The following CNTN5 variants were observed in gnomAD, a reference collection of about 807,000 sequenced individuals.
The protein encoded by CNTN5 is contactin 5, also known as contactin-5.
CNTN5 carries 77 observed loss-of-function variants against 129.1 expected under a neutral mutation model. The observed-to-expected ratio is 0.60, with a 90% CI of 0.50 to 0.72. CNTN5 has a LOEUF of 0.72. Ranked by LOEUF, CNTN5 falls within the 30% of genes least tolerant of loss-of-function variation. The pLI is 0.00. For missense variants in CNTN5, 1,478 were observed against 1,328.8 expected, an observed-to-expected ratio of 1.11 and a Z score of -1.75; for synonymous variants, 509 against 465.6, an observed-to-expected ratio of 1.09 and a Z score of -1.20.
chr11:100,247,463 A>C (rs1591434219), intron 16 of CNTN5, among the ~76,000 whole-genome samples: 3 of 152,328 alleles, frequency 2.0e-5, no homozygotes, highest in Middle Eastern at 3.4e-3. Flanking sequence ...CACTTAGATT[A>C]GATTAGTAAA....
At chr11:99,343,018 G>T (rs1376259218) in intron 2 of CNTN5, among the ~76,000 whole-genome samples, 3 of 152,084 alleles carry the variant, frequency 2.0e-5, no homozygotes, top group Non-Finnish European at 4.4e-5. Context: ...AGTGGAAAGG[G>T]AGCATTAGAT....
chr11:99,751,106 G>A (rs2135217769), intron 3 of CNTN5, among the ~76,000 whole-genome samples: 1 of 152,286 alleles, frequency 6.6e-6, no homozygotes, highest in East Asian at 1.9e-4. Context: ...GGAGGCTGAG[G>A]CAGGTCGATT....
chr11:100,005,955 C>G (rs764101995), intron 9 of CNTN5, among the ~76,000 whole-genome samples: 4 of 151,996 alleles, frequency 2.6e-5, no homozygotes, highest in African/African-American at 4.8e-5. Flanking sequence ...CAAATATGTT[C>G]CTAGATATAC....
At chr11:100,178,710 G>C (rs1273356805) in intron 13 of CNTN5, among the ~76,000 whole-genome samples, 2 of 152,210 alleles carry the variant, frequency 1.3e-5, no homozygotes, top group Non-Finnish European at 2.9e-5. Context: ...TGCCAGTGAA[G>C]TGTGAATAGA....
intron 6 of CNTN5, among the ~76,000 whole-genome samples, chr11:99,865,721 T>C (rs1591333155): frequency 6.6e-6 from 1 of 152,094 alleles, no homozygotes; most frequent in African/African-American, 2.4e-5. Flanking sequence ...AAAAGTGTTA[T>C]TGCCTAAGCC....
At chr11:99,749,875 T>C (rs541591802) in intron 3 of CNTN5, among the ~76,000 whole-genome samples, 8 of 152,354 alleles carry the variant, frequency 5.3e-5, no homozygotes, top group African/African-American at 1.9e-4. Flanking sequence ...AACTATGCTT[T>C]GGCCACGGGG....
chr11:99,395,953 G>A (rs1941501420), intron 2 of CNTN5, among the ~76,000 whole-genome samples: 1 of 151,902 alleles, frequency 6.6e-6, no homozygotes, highest in South Asian at 2.1e-4. Flanking sequence ...TAGGCCTGCA[G>A]TATAGTTTGA....
At chr11:100,170,627 G>A (rs1017502448) in intron 13 of CNTN5, among the ~76,000 whole-genome samples, 5 of 151,956 alleles carry the variant, frequency 3.3e-5, no homozygotes, top group African/African-American at 9.7e-5. Context: ...AAAGGGATCA[G>A]TGATTATCTC....
chr11:99,372,019 A>G (rs1939856855), intron 2 of CNTN5, among the ~76,000 whole-genome samples: 1 of 152,224 alleles, frequency 6.6e-6, no homozygotes. Context: ...AAGTGGAGCG[A>G]AAGAGAATCC....
intron 3 of CNTN5, among the ~76,000 whole-genome samples, chr11:99,638,193 G>A (rs1813776079): frequency 6.6e-6 from 1 of 152,100 alleles, no homozygotes; most frequent in Admixed American, 6.6e-5. Flanking sequence ...AAATGAGGAA[G>A]CAAAAGCAGA....
At chr11:100,136,839 A>G (rs2138234785) in intron 13 of CNTN5, among the ~76,000 whole-genome samples, 2 of 151,986 alleles carry the variant, frequency 1.3e-5, no homozygotes, top group East Asian at 1.9e-4. Context: ...GGGAAAAAAA[A>G]GAAAAATAAT....
intron 2 of CNTN5, among the ~76,000 whole-genome samples, chr11:99,408,476 A>AAGAAAGAAAGAAAG (rs1942229124): frequency 1.5e-5 from 2 of 135,466 alleles, no homozygotes; most frequent in Non-Finnish European, 3.3e-5. Context: ...GAAAGAAAGA[A>AAGAAAGAAAGAAAG]AGAAAGAAAG....
At chr11:99,259,509 T>A (rs1862532865) in intron 1 of CNTN5, among the ~76,000 whole-genome samples, 1 of 151,914 alleles carries the variant, frequency 6.6e-6, no homozygotes, top group South Asian at 2.1e-4. Context: ...TAAATTGTTA[T>A]ATGCTAATAT....
intron 2 of CNTN5, among the ~76,000 whole-genome samples, chr11:99,427,765 C>CAAAAA (rs36085825): frequency 6.2e-5 from 2 of 32,358 alleles, no homozygotes; most frequent in Admixed American, 3.7e-4. Context: ...GACTCAGTCT[C>CAAAAA]AAAAAAAAAA....
At chr11:99,426,728 C>T (rs1943138783) in intron 2 of CNTN5, among the ~76,000 whole-genome samples, 1 of 152,042 alleles carries the variant, frequency 6.6e-6, no homozygotes, top group African/African-American at 2.4e-5. Context: ...GTCCTTGGGC[C>T]TGGAGGATTT....
intron 3 of CNTN5, among the ~76,000 whole-genome samples, chr11:99,675,843 C>T (rs1285517434): frequency 6.6e-6 from 1 of 152,056 alleles, no homozygotes; most frequent in Admixed American, 6.6e-5. Flanking sequence ...AGTTGTGTTA[C>T]CTTAGTATAT....
At chr11:99,339,425 A>G (rs906556521) in intron 2 of CNTN5, among the ~76,000 whole-genome samples, 5 of 152,084 alleles carry the variant, frequency 3.3e-5, no homozygotes, top group Non-Finnish European at 5.9e-5. Context: ...TCTGAGGCAT[A>G]AAGAATGTAA....
intron 15 of CNTN5, among the ~76,000 whole-genome samples, chr11:100,211,650 A>G (rs971132554): frequency 1.8e-4 from 28 of 152,212 alleles, no homozygotes; most frequent in African/African-American, 6.8e-4. Flanking sequence ...CATGTTAGCC[A>G]TACAAGTTGA....
chr11:99,554,513 T>A (rs1220769413), intron 2 of CNTN5, among the ~76,000 whole-genome samples: 1 of 152,060 alleles, frequency 6.6e-6, no homozygotes, highest in East Asian at 1.9e-4. Context: ...AGGGTTGTAA[T>A]AACATTTGTA....
Sources: gnomAD v4.1 joint callset for allele counts (sites outside exome capture counted in the v4.1 genomes callset) on GRCh38, gnomAD v4.1.1 for gene constraint, MANE v1.5 for transcripts, NCBI Gene and HGNC (gene_info 2026-07-23, HGNC 2026-07-21) for gene names.